Variants in SLC12A4 observed in about 807,000 individuals in gnomAD.
SLC12A4 encodes electroneutral potassium-chloride cotransporter 1.
Under a neutral mutation model 119.2 loss-of-function variants are expected in SLC12A4, and 84 were observed. That is an observed-to-expected ratio of 0.70 (90% CI 0.59 to 0.85). The LOEUF (loss-of-function observed/expected upper bound fraction) is 0.85, where lower values mean the gene tolerates loss of function less well. Ranked by LOEUF, SLC12A4 falls within the 40% of genes least tolerant of loss-of-function variation. SLC12A4 has a pLI of 0.00. For missense variants in SLC12A4, 1,298 were observed against 1,476.3 expected (o/e 0.88, Z 1.98); for synonymous variants, 599 against 604.6 (o/e 0.99, Z 0.14).
rs984224013 is a variant in SLC12A4 at position 67,943,736 on chromosome 16, C to G, written c.*1104G>C. ...ACACCCCGTCCCCCACTCCGCCCCC[C>G]CTGGGTTAGACAACTGAGAGTCACA... On this transcript the variant is annotated 3_prime_UTR_variant, in exon 24 of 24. Transcript: ENST00000316341. The surrounding 1 kb of genome is among the most constrained non-coding windows in gnomAD (Gnocchi z 4.6). The G allele has an allele frequency of 4.7e-4, 273 of 585,844 alleles. No individual in the cohort carries two copies. The highest frequency in any genetic ancestry group is 5.4e-4 in the Non-Finnish European group (183 of 336,290). 36.3% of individuals were successfully genotyped at this position (585,844 alleles called of 1,614,324 possible). A position where few individuals can be genotyped will look rare whatever the true frequency, so the allele number is the denominator to read the frequency against.
rs1302021973 is a variant in SLC12A4 at position 67,946,510 on chromosome 16, T to TA, written c.2364dup (p.Asn789Ter). 6.2e-7 allele frequency: 1 copy of TA among 1,609,940 alleles called. No individual in the cohort carries two copies. The highest frequency in any genetic ancestry group is 8.5e-7 in the Non-Finnish European group (1 of 1,179,984). On this transcript the variant is annotated frameshift_variant, in exon 18 of 24. Coordinates refer to ENST00000316341, the MANE Select transcript of SLC12A4 (RefSeq NM_005072.5). LOFTEE classifies it high-confidence loss of function. ...TAGGGCCAGCCCAGCACCACGGAGT[T>TA]ATGCCGCATGCCTCCCAGGCCACAG...
chr16:67,944,099 C>T lies in SLC12A4; in HGVS notation c.*741G>A. On this transcript the variant is annotated 3_prime_UTR_variant, in exon 24 of 24. Transcript: ENST00000316341. The surrounding 1 kb of genome is among the most constrained non-coding windows in gnomAD (Gnocchi z 6.6). ...ACTGCCATGGGGAGCCGGGCGGCCC[C>T]ATTCCAGCCCTGGTGCCTACTGCCA... 1 of 1,547,438 alleles carries T rather than the reference C, an allele frequency of 6.5e-7. No homozygotes were observed. Among genetic ancestry groups the T allele is most frequent in the Non-Finnish European group, 8.7e-7 (1 of 1,145,980 alleles).
intron 3 of SLC12A4, among the ~76,000 whole-genome samples, chr16:67,960,161 T>C (rs2030486123): frequency 6.6e-6 from 1 of 152,214 alleles, no homozygotes; most frequent in Admixed American, 6.5e-5. Flanking sequence ...CCCTCCCACA[T>C]TCCTGCTGAG....
At chr16:67,964,143 G>A (rs1000469300) in intron 1 of SLC12A4, 105 of 1,465,488 alleles carry the variant, frequency 7.2e-5, no homozygotes, top group Non-Finnish European at 9.3e-5. Flanking sequence ...GAGCGGAAGT[G>A]GATTCCAGGA....
At chr16:67,964,414 C>T (rs1259000062) in intron 1 of SLC12A4, among the ~76,000 whole-genome samples, 1 of 152,080 alleles carries the variant, frequency 6.6e-6, no homozygotes, top group South Asian at 2.1e-4. Context: ...TTTTTTCTGG[C>T]CTCCTATCAT....
Position 67,943,907 on chromosome 16 carries a change from AG to A in SLC12A4, c.*932del, listed in dbSNP as rs1452173012. On this transcript the variant is annotated 3_prime_UTR_variant, in exon 24 of 24. Transcript: ENST00000316341. The surrounding 1 kb of genome is among the most constrained non-coding windows in gnomAD (Gnocchi z 4.6). The stretch of plus-strand genomic sequence containing the variant: ...CCAGGGGCTGGGGCCCAGGCTCCCC[AG>A]GGTCTGGCGTGGTGCATCAGGGGCC... 1 of 1,505,856 alleles carries A rather than the reference AG, an allele frequency of 6.6e-7. No homozygotes were observed. Among genetic ancestry groups the A allele is most frequent in the South Asian group, 1.3e-5 (1 of 79,026 alleles). The allele number at this position is 1,505,856 out of a possible 1,614,324, so 93.3% of individuals were successfully genotyped here.
In SLC12A4 at chr16:67,944,550, C is replaced by A; in HGVS notation, c.*290G>T. On this transcript the variant is annotated 3_prime_UTR_variant, in exon 24 of 24. Transcript: ENST00000316341. The surrounding 1 kb of genome is among the most constrained non-coding windows in gnomAD (Gnocchi z 6.6). ...GCGCTCCTGGGCTGGGCCGGGCCGGCTGCCTTCAAACCCCACTCGGCCCCT... is the reference window on the plus strand; with the variant it reads ...GCGCTCCTGGGCTGGGCCGGGCCGGATGCCTTCAAACCCCACTCGGCCCCT... 1 of 1,297,126 alleles carries A rather than the reference C, an allele frequency of 7.7e-7. No individual in the cohort carries two copies. The highest frequency in any genetic ancestry group is 1.5e-5 in the African/African-American group (1 of 67,480). 80.4% of individuals were successfully genotyped at this position (1,297,126 alleles called of 1,614,324 possible).
In SLC12A4 at chr16:67,943,916, C is replaced by T. The variant is rs748348260; in HGVS notation, c.*924G>A. On this transcript the variant is annotated 3_prime_UTR_variant, in exon 24 of 24. Coordinates refer to ENST00000316341, the MANE Select transcript of SLC12A4 (RefSeq NM_005072.5). The surrounding 1 kb of genome is among the most constrained non-coding windows in gnomAD (Gnocchi z 4.6). ...GGGGCCCAGGCTCCCCAGGGTCTGGCGTGGTGCATCAGGGGCCTGGTGGGG... is the reference window on the plus strand; with the variant it reads ...GGGGCCCAGGCTCCCCAGGGTCTGGTGTGGTGCATCAGGGGCCTGGTGGGG... 7.2e-6 allele frequency: 11 copies of T among 1,527,076 alleles called. No individual in the cohort carries two copies. In the South Asian group the frequency reaches 9.9e-5, roughly 14 times the overall value. The allele number at this position is 1,527,076 out of a possible 1,614,324, so 94.6% of individuals were successfully genotyped here.
In SLC12A4 at chr16:67,945,804, A is replaced by G; in HGVS notation, c.2807T>C (p.Leu936Pro). The G allele has an allele frequency of 6.2e-7, 1 of 1,613,870 alleles. No individual in the cohort carries two copies. The highest frequency in any genetic ancestry group is 8.5e-7 in the Non-Finnish European group (1 of 1,180,030). Residue 936 changes from leucine to proline, a missense_variant, in exon 21 of 24, where the codon CTG becomes CCG. Physicochemically the swap from Leu to Pro is moderately conservative, Grantham distance 98 (BLOSUM62 -3). Transcript: ENST00000316341. ...AGTCTTGGTCAGTCTCATCTGCCGC[A>G]GCATCTGCGACCGCTGCTCCATCAT... ...TLMMEQRSQM[L>P]RQMRLTKTER...
At chr16:67,967,561 T>C (rs978968347) in intron 1 of SLC12A4, among the ~76,000 whole-genome samples, 5 of 152,118 alleles carry the variant, frequency 3.3e-5, no homozygotes, top group Non-Finnish European at 7.4e-5. Flanking sequence ...AGGGTGGGCC[T>C]TAACAAGAAC....
chr16:67,945,851 T>C lies in SLC12A4; in HGVS notation c.2760A>G (p.Ala920=), dbSNP rs760085300. ...TCATCAGCGTCCGCTCGTAGGTGTA[T>C]GCAGAGATGTCACTGTTATGCTGGG... ...VVEMHNSDIS[A]YTYERTLMME... is the part of the protein sequence containing the mutation. Residue 920 remains alanine (A), a synonymous_variant, in exon 21 of 24, where the codon GCA becomes GCG. Transcript: ENST00000316341. 20 of 1,614,044 alleles carry C rather than the reference T, an allele frequency of 1.2e-5. No individual in the cohort carries two copies. The highest frequency in any genetic ancestry group is 3.3e-5 in the Admixed American group (2 of 60,026).
rs1335005287 is a variant in SLC12A4 at position 67,957,924 on chromosome 16, G to A, written c.463C>T (p.Leu155Phe). Reference sequence around the variant, plus strand: ...CAACAGCAGCAGATAAGCACGATGAGGAGGGCCTGTAGCACACCTGCTGTG... The same window carrying A: ...CAACAGCAGCAGATAAGCACGATGAAGAGGGCCTGTAGCACACCTGCTGTG... ...VGTAGVLQAL[L>F]IVLICCCCTL... is the part of the protein sequence containing the mutation. The change falls in exon 4 of 24, where the codon CTC (leucine) becomes TTC (phenylalanine). Residue 155 changes from leucine to phenylalanine, a missense_variant. Coordinates refer to ENST00000316341, the MANE Select transcript of SLC12A4 (RefSeq NM_005072.5). 5.6e-6 allele frequency: 9 copies of A among 1,614,090 alleles called. No individual in the cohort carries two copies. The African/African-American group carries it at 6.7e-5, about 12-fold the overall frequency.
At chr16:67,947,466 T>G in intron 15 of SLC12A4, 31 bp from the exon 16 acceptor site, 1 of 1,601,592 alleles carries the variant, frequency 6.2e-7, no homozygotes, top group Non-Finnish European at 8.5e-7. Flanking sequence ...GGTGAGCCCC[T>G]GGTGCCGCCC....
At chr16:67,947,220 A>T (rs998039498) in intron 16 of SLC12A4, 111 bp downstream of exon 16, 21 of 1,493,428 alleles carry the variant, frequency 1.4e-5, no homozygotes, top group Non-Finnish European at 1.8e-5. Context: ...ATGGCCCAGG[A>T]GGGTGCCCCG....
intron 5 of SLC12A4, among the ~76,000 whole-genome samples, chr16:67,956,922 C>T (rs896724833): frequency 5.9e-5 from 9 of 151,744 alleles, no homozygotes; most frequent in African/African-American, 2.2e-4. Context: ...TACCAAAAGG[C>T]GAACAGTAGT....
At position 67,943,783 on chromosome 16, in the gene SLC12A4, C is replaced by T. The variant is rs2058309481; in HGVS notation, c.*1057G>A. On this transcript the variant is annotated 3_prime_UTR_variant, in exon 24 of 24. Transcript: ENST00000316341. This position sits in a 1 kb window ranked among gnomAD's most constrained non-coding sequence, Gnocchi z 4.6. Reference sequence around the variant, plus strand: ...CACAGTGTGGTGGGAGAAGGGACGTCATTCCTCTAAGGGACAAGCTTTTGG... The same window carrying T: ...CACAGTGTGGTGGGAGAAGGGACGTTATTCCTCTAAGGGACAAGCTTTTGG... 1.5e-6 allele frequency: 1 copy of T among 665,288 alleles called. No homozygotes were observed. The highest frequency in any genetic ancestry group is 2.5e-6 in the Non-Finnish European group (1 of 397,642). 41.2% of individuals were successfully genotyped at this position (665,288 alleles called of 1,614,324 possible).
At chr16:67,960,231 C>A (rs2030489732) in intron 3 of SLC12A4, among the ~76,000 whole-genome samples, 1 of 152,202 alleles carries the variant, frequency 6.6e-6, no homozygotes, top group Non-Finnish European at 1.5e-5. Flanking sequence ...CCTGGCTTGG[C>A]CTGAAGGGAC....
intron 2 of SLC12A4, chr16:67,963,145 A>G (rs2030671528): frequency 1.1e-5 from 2 of 175,892 alleles, no homozygotes; most frequent in African/African-American, 2.4e-5. Context: ...ATGGACTTGG[A>G]GAAGAACCAG....
Position 67,944,935 on chromosome 16 carries a change from C to T in SLC12A4, c.3167-4G>A. On this transcript the variant is annotated splice_polypyrimidine_tract_variant and splice_region_variant and intron_variant, in intron 23 of 23. Transcript: ENST00000316341. This position sits in a 1 kb window ranked among gnomAD's most constrained non-coding sequence, Gnocchi z 6.6. ...AGCACCTCGAGGAACTCCATGTCTG[C>T]AGGGCCTCAAGTCAAGGAGGCAACA... The T allele has an allele frequency of 1.9e-6, 3 of 1,613,332 alleles. No individual in the cohort carries two copies. Among genetic ancestry groups the T allele is most frequent in the Non-Finnish European group, 2.5e-6 (3 of 1,179,988 alleles).
Sources: allele counts gnomAD v4.1 joint callset (sites outside exome capture counted in the v4.1 genomes callset), GRCh38; gene constraint gnomAD v4.1.1; non-coding constraint Gnocchi (gnomAD v3.1); transcripts MANE v1.5; gene names NCBI Gene and HGNC (gene_info 2026-07-23, HGNC 2026-07-21).